Variants in NAALADL2 observed in about 807,000 individuals in gnomAD.
NAALADL2 encodes the protein inactive N-acetylated-alpha-linked acidic dipeptidase-like protein 2.
In NAALADL2, 76 loss-of-function variants were observed where a neutral mutation model predicts 87.2. That is an observed-to-expected ratio of 0.87 (90% confidence interval 0.72 to 1.05). NAALADL2 has a LOEUF of 1.05. Among genes scored for constraint, NAALADL2 ranks in the 50% least tolerant of loss-of-function variants. NAALADL2 has a pLI of 0.00. For missense variants in NAALADL2, 1,089 were observed against 945.8 expected (o/e 1.15, Z -1.99); for synonymous variants, 354 against 331.0 (o/e 1.07, Z -0.75).
At chr3:174,608,795 C>T (rs1445116045) in intron 2 of NAALADL2, among the ~76,000 whole-genome samples, 1 of 149,856 alleles carries the variant, frequency 6.7e-6, no homozygotes, top group African/African-American at 2.5e-5. Flanking sequence ...AAGAGGGAAT[C>T]CTCCCTAACT....
intron 13 of NAALADL2, among the ~76,000 whole-genome samples, chr3:175,763,429 G>A (rs951153329): frequency 4.6e-5 from 7 of 152,086 alleles, no homozygotes; most frequent in Admixed American, 2.6e-4. Context: ...CAATGTTTAA[G>A]GTTATGAGTC....
chr3:175,324,497 T>C (rs1760439175), intron 5 of NAALADL2, among the ~76,000 whole-genome samples, 172 bp downstream of exon 5: 2 of 152,212 alleles, frequency 1.3e-5, no homozygotes, highest in African/African-American at 4.8e-5. Flanking sequence ...GACTACCAAT[T>C]TGTTGGTATA....
chr3:175,048,003 G>A (rs1343979008), intron 1 of NAALADL2, among the ~76,000 whole-genome samples: 1 of 152,124 alleles, frequency 6.6e-6, no homozygotes, highest in Non-Finnish European at 1.5e-5. Flanking sequence ...TCAGGAAGTG[G>A]CACTTCATTA....
At chr3:174,876,334 CA>C (rs1233507129) in intron 1 of NAALADL2, among the ~76,000 whole-genome samples, 5 of 152,138 alleles carry the variant, frequency 3.3e-5, no homozygotes, top group African/African-American at 9.7e-5. Context: ...TTTTACTCTT[CA>C]ACTTGTTTGC....
At chr3:175,371,486 GATA>G (rs1000841815) in intron 5 of NAALADL2, among the ~76,000 whole-genome samples, 1 of 151,928 alleles carries the variant, frequency 6.6e-6, no homozygotes, top group Non-Finnish European at 1.5e-5. Flanking sequence ...TCAAGATATG[GATA>G]ATATTATTTA....
chr3:175,118,331 A>T (rs918387464), intron 2 of NAALADL2, among the ~76,000 whole-genome samples: 1 of 151,854 alleles, frequency 6.6e-6, no homozygotes, highest in African/African-American at 2.4e-5. Context: ...GCAATAGATC[A>T]CAGAACTAAA....
intron 5 of NAALADL2, among the ~76,000 whole-genome samples, chr3:175,433,582 G>T (rs139128379): frequency 4.6e-5 from 7 of 152,032 alleles, no homozygotes; most frequent in Admixed American, 2.0e-4. Context: ...TATGGCCTTC[G>T]CTGTGACTTC....
rs1259358575 is a variant in NAALADL2, at chr3:175,808,768, G to T, written c.*5565G>T. 6.6e-6 allele frequency: 1 copy of T among 151,980 alleles called. No homozygotes were observed. The highest frequency in any genetic ancestry group is 2.4e-5 in the African/African-American group (1 of 41,402). The allele number at this position is 151,980 out of a possible 1,614,324, so 9.4% of individuals were successfully genotyped here. On this transcript the variant is annotated 3_prime_UTR_variant, in exon 14 of 14. Transcript: ENST00000454872. ...AATCATTATTATGAATTATTATGTT[G>T]CATTGAAGTTAATGTCGGTCTTTTG...
intron 3 of NAALADL2, among the ~76,000 whole-genome samples, chr3:174,752,102 C>A (rs967596755): frequency 2.4e-4 from 36 of 151,916 alleles, no homozygotes; most frequent in African/African-American, 8.7e-4. Flanking sequence ...CTCAGCCTCT[C>A]GAGTAGCTGG....
intron 1 of NAALADL2, among the ~76,000 whole-genome samples, chr3:175,050,163 G>C (rs1158896591): frequency 6.6e-6 from 1 of 152,196 alleles, no homozygotes; most frequent in African/African-American, 2.4e-5. Context: ...TTTCCACCTT[G>C]TGACCCAACT....
chr3:175,274,370 T>A (rs1371227096), intron 4 of NAALADL2, among the ~76,000 whole-genome samples: 2 of 152,146 alleles, frequency 1.3e-5, no homozygotes, highest in Non-Finnish European at 2.9e-5. Flanking sequence ...ACAAACCATA[T>A]CACATTACAA....
chr3:174,953,906 G>C (rs1359684753), intron 1 of NAALADL2, among the ~76,000 whole-genome samples: 1 of 151,766 alleles, frequency 6.6e-6, no homozygotes, highest in East Asian at 1.9e-4. Context: ...TCCGTTCTCT[G>C]TCCTCAGTGG....
chr3:174,607,640 A>T (rs1207367601), intron 2 of NAALADL2, among the ~76,000 whole-genome samples: 3 of 152,122 alleles, frequency 2.0e-5, no homozygotes, highest in Non-Finnish European at 4.4e-5. Context: ...ATATGCACCC[A>T]ATACAGGAGC....
rs146190975 is a variant in NAALADL2 at position 175,583,938 on chromosome 3, G to A, written c.1800+7751G>A. On this transcript the variant is annotated intron_variant, in intron 10 of 13. Coordinates refer to ENST00000454872, the MANE Select transcript of NAALADL2 (RefSeq NM_207015.3). ...GAACAAACACTTATATAATGTTTGCGTCAGGCATTGTTCTGTTCTAAGTCT... is the reference window on the plus strand; with the variant it reads ...GAACAAACACTTATATAATGTTTGCATCAGGCATTGTTCTGTTCTAAGTCT... Among the ~76,000 whole-genome samples the A allele has an allele frequency of 6.0e-3, 914 of 152,156 alleles. 9 individuals carry two copies. Among genetic ancestry groups the A allele is most frequent in the African/African-American group, 0.021 (860 of 41,522 alleles).
At chr3:175,413,070 T>C (rs1713887449) in intron 5 of NAALADL2, among the ~76,000 whole-genome samples, 1 of 148,788 alleles carries the variant, frequency 6.7e-6, no homozygotes, top group African/African-American at 2.5e-5. Context: ...TTTGTATTTT[T>C]AGTAGAGATG....
At chr3:175,374,216 C>T (rs1443386749) in intron 5 of NAALADL2, among the ~76,000 whole-genome samples, 1 of 151,816 alleles carries the variant, frequency 6.6e-6, no homozygotes, top group African/African-American at 2.4e-5. Flanking sequence ...AATCCTTCTC[C>T]TTTCCCTATC....
intron 2 of NAALADL2, among the ~76,000 whole-genome samples, chr3:174,618,222 A>C (rs554064408): frequency 6.6e-6 from 1 of 151,728 alleles, no homozygotes; most frequent in Non-Finnish European, 1.5e-5. Flanking sequence ...CTGTGCTTTC[A>C]TTACCTATTT....
Position 175,260,946 on chromosome 3 carries a change from C to T in NAALADL2, c.939+4416C>T, listed in dbSNP as rs113053553. Reference sequence around the variant, plus strand: ...TAGGAAGAGATTGATGAGAAAATCCCAACATTGCAGGGTAGGAACTATGAA... The same window carrying T: ...TAGGAAGAGATTGATGAGAAAATCCTAACATTGCAGGGTAGGAACTATGAA... On this transcript the variant is annotated intron_variant, in intron 4 of 13. Transcript: ENST00000454872. Among the ~76,000 whole-genome samples the T allele has an allele frequency of 9.5e-3, 1,445 of 152,030 alleles. 22 individuals carry two copies. Among genetic ancestry groups the T allele is most frequent in the African/African-American group, 0.033 (1,373 of 41,464 alleles).
chr3:174,932,189 C>T lies in NAALADL2; in HGVS notation c.43+72739C>T, dbSNP rs59290094. 8.7e-3 allele frequency among the ~76,000 whole-genome samples: 1,331 copies of T among 152,246 alleles called. 15 individuals carry two copies. The highest frequency in any genetic ancestry group is 0.031 in the African/African-American group (1,277 of 41,548). On this transcript the variant is annotated intron_variant, in intron 1 of 13. Coordinates refer to ENST00000454872, the MANE Select transcript of NAALADL2 (RefSeq NM_207015.3). ...AACTGCAGAGTAGAGCATTTCATTG[C>T]TTTCTCCCCAGGAGTTGCTGCATTA...
Sources: gnomAD v4.1 joint callset for allele counts (sites outside exome capture counted in the v4.1 genomes callset) on GRCh38, gnomAD v4.1.1 for gene constraint, MANE v1.5 for transcripts, NCBI Gene and HGNC (gene_info 2026-07-23, HGNC 2026-07-21) for gene names.